The following CTNNA3 variants were observed in gnomAD, a reference collection of about 807,000 sequenced individuals.
CTNNA3 encodes catenin alpha-3.
CTNNA3 carries 76 observed loss-of-function variants against 95.7 expected under a neutral mutation model. The observed-to-expected ratio is 0.79, with a 90% CI of 0.66 to 0.96. The LOEUF is 0.96. Among genes scored for constraint, CTNNA3 ranks in the 40% least tolerant of loss-of-function variants. The pLI, the probability that CTNNA3 is intolerant of heterozygous loss-of-function variation, is 0.00. For missense variants in CTNNA3, 1,191 were observed against 1,089.8 expected (o/e 1.09, Z -1.31); for synonymous variants, 431 against 374.4 (o/e 1.15, Z -1.74).
chr10:66,487,052 A>T (rs1839753616), intron 11 of CTNNA3, among the ~76,000 whole-genome samples: 2 of 152,142 alleles, frequency 1.3e-5, no homozygotes, highest in South Asian at 4.1e-4. Flanking sequence ...GGGATAAAGG[A>T]AATGAGGTGT....
At chr10:67,063,505 C>T (rs1381746720) in intron 7 of CTNNA3, among the ~76,000 whole-genome samples, 1 of 152,168 alleles carries the variant, frequency 6.6e-6, no homozygotes, top group Non-Finnish European at 1.5e-5. Context: ...CACGAACAGG[C>T]AGGTAATAGA....
At chr10:66,652,739 A>C (rs1255544569) in intron 9 of CTNNA3, among the ~76,000 whole-genome samples, 1 of 152,172 alleles carries the variant, frequency 6.6e-6, no homozygotes, top group Non-Finnish European at 1.5e-5. Context: ...AAATATCCTC[A>C]ACAAAATACT....
intron 4 of CTNNA3, among the ~76,000 whole-genome samples, chr10:67,533,581 T>C (rs1380764915): frequency 6.6e-6 from 1 of 152,156 alleles, no homozygotes; most frequent in East Asian, 1.9e-4. Context: ...GACCTGTTTT[T>C]CCCCAAAAGA....
chr10:66,595,683 C>A (rs1214224830), intron 10 of CTNNA3, among the ~76,000 whole-genome samples: 1 of 152,012 alleles, frequency 6.6e-6, no homozygotes, highest in Non-Finnish European at 1.5e-5. Flanking sequence ...GTTGCCCAGG[C>A]CAGAGGGAAG....
intron 11 of CTNNA3, among the ~76,000 whole-genome samples, chr10:66,465,700 C>T (rs1044617666): frequency 5.3e-5 from 8 of 152,058 alleles, no homozygotes; most frequent in Non-Finnish European, 1.0e-4. Context: ...GACTTGCCAT[C>T]TCCTGATGGG....
At chr10:66,129,190 G>A (rs2082971017) in intron 13 of CTNNA3, among the ~76,000 whole-genome samples, 1 of 152,192 alleles carries the variant, frequency 6.6e-6, no homozygotes, top group Non-Finnish European at 1.5e-5. Flanking sequence ...CTTGAACCTG[G>A]GAGGTGGAGG....
At chr10:66,406,254 T>C (rs773549109) in intron 11 of CTNNA3, among the ~76,000 whole-genome samples, 2 of 152,162 alleles carry the variant, frequency 1.3e-5, no homozygotes, top group Non-Finnish European at 2.9e-5. Flanking sequence ...CATAACTCAG[T>C]GGTTTGATGA....
intron 12 of CTNNA3, among the ~76,000 whole-genome samples, chr10:66,296,629 G>A (rs975748558): frequency 4.7e-5 from 7 of 148,286 alleles, no homozygotes; most frequent in Admixed American, 1.3e-4. Flanking sequence ...ACACACACAC[G>A]CATGCACAAA....
intron 13 of CTNNA3, among the ~76,000 whole-genome samples, chr10:66,211,983 G>GTTTTTT (rs61453326): frequency 2.5e-4 from 24 of 95,020 alleles, no homozygotes; most frequent in Non-Finnish European, 3.5e-4. Flanking sequence ...TTGTTTTTGG[G>GTTTTTT]TTTTTTTTTT....
chr10:66,707,272 C>A (rs1848148252), intron 9 of CTNNA3, among the ~76,000 whole-genome samples: 1 of 151,940 alleles, frequency 6.6e-6, no homozygotes, highest in Non-Finnish European at 1.5e-5. Context: ...ATTGATTTAG[C>A]CTACACCCAC....
chr10:67,345,863 T>A (rs572054511), intron 5 of CTNNA3, among the ~76,000 whole-genome samples: 1 of 152,246 alleles, frequency 6.6e-6, no homozygotes, highest in African/African-American at 2.4e-5. Context: ...ACTCCTGCCA[T>A]TTTGTTGTTT....
At position 67,746,469 on chromosome 10, in the gene CTNNA3, C is replaced by T. The variant is rs1452115828; in HGVS notation, c.-2+16965G>A. 5.9e-5 allele frequency among the ~76,000 whole-genome samples: 9 copies of T among 152,018 alleles called. No homozygotes were observed. The South Asian group carries it at 1.0e-3, about 18-fold the overall frequency. Reference sequence around the variant, plus strand: ...CACCAAGAAGAACCAAAACAGCATGCGAATCCTGCATCATTAACCAAGGTA... The same window carrying T: ...CACCAAGAAGAACCAAAACAGCATGTGAATCCTGCATCATTAACCAAGGTA... On this transcript the variant is annotated intron_variant, in intron 1 of 17. Transcript: ENST00000684154.
chr10:66,190,700 C>T (rs1331480505), intron 13 of CTNNA3, among the ~76,000 whole-genome samples: 1 of 152,074 alleles, frequency 6.6e-6, no homozygotes, highest in Admixed American at 6.6e-5. Context: ...CATCTTTCTA[C>T]GTCTTCTCAT....
chr10:67,353,853 A>G (rs1229320717), intron 5 of CTNNA3, among the ~76,000 whole-genome samples: 1 of 152,028 alleles, frequency 6.6e-6, no homozygotes, highest in African/African-American at 2.4e-5. Context: ...ACTGGAATGA[A>G]GAGGAAGGTA....
At chr10:66,518,157 A>T (rs1356173817) in intron 11 of CTNNA3, among the ~76,000 whole-genome samples, 3 of 152,150 alleles carry the variant, frequency 2.0e-5, no homozygotes, top group Non-Finnish European at 4.4e-5. Context: ...TTATGTTTTG[A>T]ACTGCTTAAG....
chr10:66,843,810 T>C (rs12355064), intron 7 of CTNNA3, among the ~76,000 whole-genome samples: 54,513 of 152,046 alleles, frequency 0.36, 10,750 homozygotes, highest in Non-Finnish European at 0.46. Context: ...TCATGAATTG[T>C]TTTTGGAACG....
At chr10:67,414,212 A>T in intron 5 of CTNNA3, among the ~76,000 whole-genome samples, 1 of 152,028 alleles carries the variant, frequency 6.6e-6, no homozygotes, top group Non-Finnish European at 1.5e-5. Flanking sequence ...AAAGAAAGAG[A>T]CTATCCAAAT....
intron 15 of CTNNA3, among the ~76,000 whole-genome samples, chr10:66,043,208 T>C (rs965345638): frequency 6.8e-6 from 1 of 148,132 alleles, no homozygotes; most frequent in Non-Finnish European, 1.5e-5. Flanking sequence ...AATGATTTAA[T>C]GGCAATGCTA....
intron 9 of CTNNA3, among the ~76,000 whole-genome samples, chr10:66,675,893 A>G (rs1438837336): frequency 2.6e-5 from 4 of 152,108 alleles, no homozygotes; most frequent in South Asian, 4.1e-4. Flanking sequence ...AGCAAAGGCT[A>G]TGCCACCCAG....
Sources: gnomAD v4.1 joint callset for allele counts (sites outside exome capture counted in the v4.1 genomes callset) on GRCh38, gnomAD v4.1.1 for gene constraint, MANE v1.5 for transcripts, NCBI Gene and HGNC (gene_info 2026-07-23, HGNC 2026-07-21) for gene names.